The following EEIG2 variants were observed in gnomAD, a reference collection of about 807,000 sequenced individuals.
EEIG2 encodes family with sequence similarity 102 member B.
At chr1:108,560,283 C>A in the EEIG2 span, 1 of 424,054 alleles carries the variant, frequency 2.4e-6, no homozygotes, top group Non-Finnish European at 3.1e-6. Flanking sequence ...GCGGCCCCGG[C>A]CGCGGCCGGC....
the EEIG2 span, among the ~76,000 whole-genome samples, chr1:108,574,491 C>T: frequency 6.6e-6 from 1 of 152,238 alleles, no homozygotes; most frequent in Admixed American, 6.5e-5. Flanking sequence ...TGGCTCACGC[C>T]TGTAATCCCA....
At chr1:108,621,922 C>T in the EEIG2 span, among the ~76,000 whole-genome samples, 3 of 151,998 alleles carry the variant, frequency 2.0e-5, no homozygotes, top group Admixed American at 6.6e-5. Context: ...TTTGGGAGGC[C>T]GAGGTGGATG....
At chr1:108,577,009 T>A in the EEIG2 span, among the ~76,000 whole-genome samples, 1 of 149,766 alleles carries the variant, frequency 6.7e-6, no homozygotes. Flanking sequence ...TGAGATGATA[T>A]CTCATAGTGG....
At chr1:108,618,505 C>G in the EEIG2 span, among the ~76,000 whole-genome samples, 1 of 152,052 alleles carries the variant, frequency 6.6e-6, no homozygotes, top group Non-Finnish European at 1.5e-5. Context: ...TTCATTGATA[C>G]CATTGAAATA....
the EEIG2 span, among the ~76,000 whole-genome samples, chr1:108,574,911 C>T: frequency 1.3e-5 from 2 of 152,142 alleles, no homozygotes; most frequent in African/African-American, 4.8e-5. Context: ...AAAGTTTTCT[C>T]TTATTTAAAC....
chr1:108,602,873 C>CA, the EEIG2 span, among the ~76,000 whole-genome samples: 486 of 149,782 alleles, frequency 3.2e-3, 4 homozygotes, highest in African/African-American at 0.011. Context: ...TACCCTGTCT[C>CA]AAAAAAAAAA....
chr1:108,634,955 CAT>C, the EEIG2 span, among the ~76,000 whole-genome samples: 2 of 152,186 alleles, frequency 1.3e-5, no homozygotes, highest in South Asian at 2.1e-4. Context: ...TAATATTTCA[CAT>C]AGTTTCTATC....
the EEIG2 span, among the ~76,000 whole-genome samples, chr1:108,623,640 A>T: frequency 6.6e-6 from 1 of 152,212 alleles, no homozygotes. Context: ...TAACCCATAA[A>T]TGTATATACC....
the EEIG2 span, among the ~76,000 whole-genome samples, chr1:108,598,203 C>T: frequency 6.6e-6 from 1 of 151,884 alleles, no homozygotes; most frequent in South Asian, 2.1e-4. Flanking sequence ...TGGTGGTGCA[C>T]ACCTGTAATC....
At chr1:108,638,237 C>G in the EEIG2 span, 2 of 152,254 alleles carry the variant, frequency 1.3e-5, no homozygotes, top group East Asian at 3.9e-4. Flanking sequence ...AGCCACTGTG[C>G]CCAGCCTAGT....
chr1:108,611,326 T>A, the EEIG2 span, among the ~76,000 whole-genome samples: 5 of 152,188 alleles, frequency 3.3e-5, no homozygotes, highest in Non-Finnish European at 7.3e-5. Flanking sequence ...TAGACTTAGC[T>A]TGCTCAAAAA....
the EEIG2 span, chr1:108,600,455 G>T: frequency 8.1e-7 from 1 of 1,230,186 alleles, no homozygotes; most frequent in Non-Finnish European, 1.1e-6. Flanking sequence ...TACAAATACT[G>T]GCTTTTAACA....
the EEIG2 span, chr1:108,637,946 C>T: frequency 6.6e-6 from 1 of 152,662 alleles, no homozygotes; most frequent in Admixed American, 6.5e-5. Flanking sequence ...ATACCAACAG[C>T]TAATGTGGAT....
the EEIG2 span, chr1:108,636,209 CA>C: frequency 2.1e-3 from 320 of 152,270 alleles, no homozygotes; most frequent in African/African-American, 7.2e-3. Context: ...TAACATCTAT[CA>C]AATATAGCTT....
chr1:108,571,326 A>T, the EEIG2 span, among the ~76,000 whole-genome samples: 1 of 152,202 alleles, frequency 6.6e-6, no homozygotes, highest in Non-Finnish European at 1.5e-5. Flanking sequence ...CTGTAGGGGT[A>T]CAATACAGCT....
chr1:108,560,303 C>T, the EEIG2 span: 27 of 710,872 alleles, frequency 3.8e-5, no homozygotes, highest in Non-Finnish European at 4.3e-5. Flanking sequence ...CCTGCGGCGC[C>T]CCCCGGCCGC....
chr1:108,564,119 C>T, the EEIG2 span, among the ~76,000 whole-genome samples: 1 of 152,216 alleles, frequency 6.6e-6, no homozygotes, highest in Non-Finnish European at 1.5e-5. Context: ...TTTCTTTCTA[C>T]TCTCTTTCTA....
chr1:108,584,899 C>T, the EEIG2 span, among the ~76,000 whole-genome samples: 1 of 151,998 alleles, frequency 6.6e-6, no homozygotes. Context: ...TAGAAATAGC[C>T]TCAGGAAGTA....
chr1:108,563,430 T>C, the EEIG2 span, among the ~76,000 whole-genome samples: 7 of 152,206 alleles, frequency 4.6e-5, no homozygotes, highest in African/African-American at 1.7e-4. Flanking sequence ...AGTAGGACTG[T>C]ATGCTGAGTC....
Sources: allele counts gnomAD v4.1 joint callset (sites outside exome capture counted in the v4.1 genomes callset), GRCh38; gene constraint gnomAD v4.1.1; transcripts MANE v1.5; gene names NCBI Gene and HGNC (gene_info 2026-07-23, HGNC 2026-07-21).